The following NRG3 variants were observed in gnomAD, a reference collection of about 807,000 sequenced individuals.
NRG3 encodes pro-neuregulin-3, membrane-bound isoform.
NRG3 carries 31 observed loss-of-function variants against 66.9 expected under a neutral mutation model. The ratio of observed to expected loss-of-function variants is 0.46; its 90% CI spans 0.35 to 0.63. The LOEUF is 0.63. Among genes scored for constraint, NRG3 ranks in the 20% least tolerant of loss-of-function variants. The probability of loss-of-function intolerance (pLI) is 0.00; values close to 1 mark genes in which losing one functional copy is unlikely to be tolerated. For missense variants in NRG3, 910 were observed against 878.9 expected (o/e 1.04, Z -0.45); for synonymous variants, 393 against 359.4 (o/e 1.09, Z -1.06).
intron 2 of NRG3, among the ~76,000 whole-genome samples, chr10:82,458,251 G>C (rs1164160736): frequency 6.6e-6 from 1 of 152,214 alleles, no homozygotes; most frequent in African/African-American, 2.4e-5. Flanking sequence ...GTGAACCAGG[G>C]TATATAAGTT....
At chr10:81,925,567 A>G (rs1442702394) in intron 1 of NRG3, among the ~76,000 whole-genome samples, 1 of 152,196 alleles carries the variant, frequency 6.6e-6, no homozygotes, top group East Asian at 1.9e-4. Context: ...GGAATTAATT[A>G]TCCTGGTCTT....
intron 1 of NRG3, among the ~76,000 whole-genome samples, chr10:82,283,913 G>A (rs773019346): frequency 5.9e-5 from 9 of 152,186 alleles, no homozygotes; most frequent in Non-Finnish European, 1.2e-4. Flanking sequence ...CATAAATGAA[G>A]CTTTGATAAT....
intron 1 of NRG3, among the ~76,000 whole-genome samples, chr10:81,974,132 C>T (rs1186547526): frequency 6.6e-6 from 1 of 152,056 alleles, no homozygotes; most frequent in Non-Finnish European, 1.5e-5. Flanking sequence ...ATATGGCTAG[C>T]CAGTTATCCC....
At chr10:82,967,180 AAT>A (rs935057627) in intron 6 of NRG3, among the ~76,000 whole-genome samples, 4 of 149,056 alleles carry the variant, frequency 2.7e-5, no homozygotes, top group African/African-American at 7.3e-5. Context: ...AGATATATTA[AAT>A]ATGTCTACTT....
chr10:82,955,904 C>T (rs999380922), intron 5 of NRG3, among the ~76,000 whole-genome samples: 1 of 151,882 alleles, frequency 6.6e-6, no homozygotes, highest in African/African-American at 2.4e-5. Context: ...CTCTGAAGAC[C>T]TAGACCTTTT....
At chr10:82,550,282 G>T (rs1347870578) in intron 2 of NRG3, among the ~76,000 whole-genome samples, 3 of 152,114 alleles carry the variant, frequency 2.0e-5, no homozygotes, top group African/African-American at 7.2e-5. Context: ...TCTACCTCCA[G>T]TGAAGACTAA....
chr10:82,353,208 T>A (rs1197714174), intron 1 of NRG3, among the ~76,000 whole-genome samples: 3 of 152,156 alleles, frequency 2.0e-5, no homozygotes, highest in Non-Finnish European at 4.4e-5. Context: ...AATTCTGAGC[T>A]GCTTTTGGGA....
intron 2 of NRG3, among the ~76,000 whole-genome samples, chr10:82,482,703 A>C (rs371908137): frequency 6.6e-6 from 1 of 152,136 alleles, no homozygotes; most frequent in Non-Finnish European, 1.5e-5. Context: ...ATAACCAGCT[A>C]TCTTGATGTT....
chr10:82,032,643 A>G (rs972141354), intron 1 of NRG3, among the ~76,000 whole-genome samples: 2 of 152,102 alleles, frequency 1.3e-5, no homozygotes, highest in African/African-American at 4.8e-5. Context: ...CTTTAATTCT[A>G]TGAGAACTAT....
chr10:82,031,788 C>G (rs2062580062), intron 1 of NRG3, among the ~76,000 whole-genome samples: 1 of 152,034 alleles, frequency 6.6e-6, no homozygotes, highest in African/African-American at 2.4e-5. Context: ...TGCTTGGCCC[C>G]CATAAGTCCA....
chr10:81,987,606 T>A (rs973938276), intron 1 of NRG3, among the ~76,000 whole-genome samples: 10 of 152,202 alleles, frequency 6.6e-5, no homozygotes, highest in Non-Finnish European at 7.3e-5. Context: ...AGTTAAAATT[T>A]GATTAAATGT....
intron 1 of NRG3, among the ~76,000 whole-genome samples, chr10:82,027,937 G>T (rs918247315): frequency 2.0e-5 from 3 of 152,078 alleles, no homozygotes; most frequent in Non-Finnish European, 4.4e-5. Context: ...GGTTGTGCAA[G>T]CAATGCAGAC....
At chr10:82,162,389 A>G (rs1363238896) in intron 1 of NRG3, among the ~76,000 whole-genome samples, 1 of 152,180 alleles carries the variant, frequency 6.6e-6, no homozygotes, top group African/African-American at 2.4e-5. Flanking sequence ...ATTACAGGGC[A>G]GGCTACTGCA....
chr10:82,372,602 T>C (rs1331404553), intron 2 of NRG3, among the ~76,000 whole-genome samples: 1 of 152,222 alleles, frequency 6.6e-6, no homozygotes, highest in Admixed American at 6.5e-5. Context: ...ATTATTCATG[T>C]ATTTATTTAT....
At chr10:82,377,011 G>A (rs1462416530) in intron 2 of NRG3, among the ~76,000 whole-genome samples, 1 of 152,188 alleles carries the variant, frequency 6.6e-6, no homozygotes, top group Non-Finnish European at 1.5e-5. Context: ...TCTCTTGCCT[G>A]CATTCGGTAA....
chr10:82,445,885 T>A (rs965805357), intron 2 of NRG3, among the ~76,000 whole-genome samples: 1 of 152,228 alleles, frequency 6.6e-6, no homozygotes, highest in African/African-American at 2.4e-5. Context: ...AGTTTATTCT[T>A]AGCTTTACAT....
At chr10:82,407,669 T>C (rs1161063580) in intron 2 of NRG3, among the ~76,000 whole-genome samples, 1 of 152,168 alleles carries the variant, frequency 6.6e-6, no homozygotes, top group Non-Finnish European at 1.5e-5. Flanking sequence ...CTTTTATGAC[T>C]ACTGTATACT....
intron 2 of NRG3, among the ~76,000 whole-genome samples, chr10:82,704,301 C>T (rs1214860647): frequency 6.6e-6 from 1 of 152,100 alleles, no homozygotes; most frequent in African/African-American, 2.4e-5. Context: ...ATTAAATGTT[C>T]AGAAAGGCAG....
chr10:82,795,083 A>G (rs2060743114), intron 3 of NRG3, among the ~76,000 whole-genome samples: 1 of 152,254 alleles, frequency 6.6e-6, no homozygotes, highest in Non-Finnish European at 1.5e-5. Flanking sequence ...TCTCTATGTT[A>G]AGTGAGTACT....
Sources: allele counts gnomAD v4.1 joint callset (sites outside exome capture counted in the v4.1 genomes callset), GRCh38; gene constraint gnomAD v4.1.1; transcripts MANE v1.5; gene names NCBI Gene and HGNC (gene_info 2026-07-23, HGNC 2026-07-21).